The following EFNA5 variants were observed in gnomAD, a reference collection of about 807,000 sequenced individuals.
EFNA5 encodes the protein ephrin A5.
A neutral mutation model predicts 22.9 loss-of-function variants in EFNA5; 5 were observed. That is an observed-to-expected ratio of 0.22 (90% confidence interval 0.11 to 0.46). The LOEUF (loss-of-function observed/expected upper bound fraction) is 0.46. Among genes scored for constraint, EFNA5 ranks in the 20% least tolerant of loss-of-function variants. EFNA5 has a pLI of 0.99. For missense variants in EFNA5, 237 were observed against 293.3 expected (o/e 0.81, Z 1.40); for synonymous variants, 113 against 112.2 (o/e 1.01, Z -0.04).
intron 1 of EFNA5, among the ~76,000 whole-genome samples, chr5:107,508,759 T>A (rs1747301549): frequency 6.6e-6 from 1 of 152,264 alleles, no homozygotes; most frequent in Non-Finnish European, 1.5e-5. Flanking sequence ...AAATTATTCT[T>A]GTTTTTATAA....
chr5:107,385,978 TCTTC>T (rs1747607655), intron 4 of EFNA5, among the ~76,000 whole-genome samples: 1 of 152,000 alleles, frequency 6.6e-6, no homozygotes, highest in Admixed American at 6.6e-5. Flanking sequence ...AAACTCTAAC[TCTTC>T]CTGTCAGTTT....
intron 1 of EFNA5, among the ~76,000 whole-genome samples, chr5:107,554,623 T>A (rs1346056723): frequency 6.6e-6 from 1 of 152,206 alleles, no homozygotes; most frequent in Non-Finnish European, 1.5e-5. Context: ...AACTAATTGA[T>A]AGGCAAAGAG....
At chr5:107,425,844 T>C (rs1416798042) in intron 2 of EFNA5, among the ~76,000 whole-genome samples, 1 of 152,122 alleles carries the variant, frequency 6.6e-6, no homozygotes, top group Non-Finnish European at 1.5e-5. Context: ...CCGTGTAAGT[T>C]GTGAGTGGGT....
At chr5:107,609,836 G>T (rs1013028348) in intron 1 of EFNA5, among the ~76,000 whole-genome samples, 1 of 152,154 alleles carries the variant, frequency 6.6e-6, no homozygotes, top group Non-Finnish European at 1.5e-5. Context: ...TGACTGAATG[G>T]TGCCTCTTGA....
intron 1 of EFNA5, among the ~76,000 whole-genome samples, chr5:107,539,693 A>G (rs1014031423): frequency 1.3e-5 from 2 of 152,018 alleles, no homozygotes; most frequent in African/African-American, 4.8e-5. Flanking sequence ...TCCTGACCTC[A>G]TGATCCACCC....
intron 1 of EFNA5, among the ~76,000 whole-genome samples, chr5:107,590,458 C>T (rs1210887533): frequency 6.6e-6 from 1 of 151,812 alleles, no homozygotes; most frequent in Admixed American, 6.6e-5. Flanking sequence ...GGAATGGTCA[C>T]AGCTCACTCA....
At chr5:107,659,970 T>C (rs1750911641) in intron 1 of EFNA5, among the ~76,000 whole-genome samples, 1 of 151,846 alleles carries the variant, frequency 6.6e-6, no homozygotes, top group Admixed American at 6.6e-5. Flanking sequence ...ATGTCTGACC[T>C]TAGGTGTACA....
chr5:107,507,237 A>T (rs1747271738), intron 1 of EFNA5, among the ~76,000 whole-genome samples: 1 of 152,244 alleles, frequency 6.6e-6, no homozygotes, highest in African/African-American at 2.4e-5. Context: ...GAGAAGTTAA[A>T]TGATCACCTC....
chr5:107,511,596 A>G (rs1211955209), intron 1 of EFNA5, among the ~76,000 whole-genome samples: 1 of 152,202 alleles, frequency 6.6e-6, no homozygotes, highest in East Asian at 1.9e-4. Flanking sequence ...ATGAATATCC[A>G]TTTATAAAGT....
At chr5:107,505,562 A>T (rs556683476) in intron 1 of EFNA5, among the ~76,000 whole-genome samples, 148 of 152,074 alleles carry the variant, frequency 9.7e-4, no homozygotes, top group Middle Eastern at 3.4e-3. Flanking sequence ...ACACACATAC[A>T]CCCCTCCTAT....
At chr5:107,539,414 G>C (rs1280512931) in intron 1 of EFNA5, among the ~76,000 whole-genome samples, 2 of 152,172 alleles carry the variant, frequency 1.3e-5, no homozygotes, top group South Asian at 2.1e-4. Flanking sequence ...GATATGCTTG[G>C]AAGGGAAGTG....
chr5:107,574,843 G>C (rs1021355890), intron 1 of EFNA5, among the ~76,000 whole-genome samples: 1 of 152,160 alleles, frequency 6.6e-6, no homozygotes, highest in Non-Finnish European at 1.5e-5. Flanking sequence ...TGATCTTGAC[G>C]GGGCTTAAGA....
intron 1 of EFNA5, among the ~76,000 whole-genome samples, chr5:107,651,777 C>T (rs1750736444): frequency 6.6e-6 from 1 of 151,884 alleles, no homozygotes; most frequent in Admixed American, 6.6e-5. Flanking sequence ...TAAAATTACT[C>T]TGATTTTTAT....
At chr5:107,563,653 C>G (rs1672056132) in intron 1 of EFNA5, among the ~76,000 whole-genome samples, 1 of 152,072 alleles carries the variant, frequency 6.6e-6, no homozygotes, top group South Asian at 2.1e-4. Flanking sequence ...TAGGCTTAGG[C>G]TGGCCTCCAG....
intron 1 of EFNA5, among the ~76,000 whole-genome samples, chr5:107,427,773 T>C (rs1012380317): frequency 1.3e-5 from 2 of 152,170 alleles, no homozygotes; most frequent in Admixed American, 6.5e-5. Context: ...TTAAATATTA[T>C]ATTAAATATC....
intron 1 of EFNA5, among the ~76,000 whole-genome samples, chr5:107,520,218 G>A (rs1412150801): frequency 1.3e-5 from 2 of 152,092 alleles, no homozygotes; most frequent in East Asian, 1.9e-4. Flanking sequence ...GCTTTCTCTC[G>A]CTGTACTTGC....
In EFNA5 at chr5:107,418,762, C is replaced by T. The variant is rs540239284; in HGVS notation, c.418+8455G>A. Among the ~76,000 whole-genome samples, 11 of 152,298 alleles carry T rather than the reference C, an allele frequency of 7.2e-5. No individual in the cohort carries two copies. In the South Asian group the frequency reaches 2.1e-3, roughly 29 times the overall value. The stretch of plus-strand genomic sequence containing the variant: ...CCATCAAGTCCTGATTATTGAGTAA[C>T]TTTTAAGGCTCCTTTTGCAAACTTT... On this transcript the variant is annotated intron_variant, in intron 2 of 4. Transcript: ENST00000333274.
chr5:107,453,026 G>T (rs1047272592), intron 1 of EFNA5, among the ~76,000 whole-genome samples: 2 of 152,022 alleles, frequency 1.3e-5, no homozygotes. Flanking sequence ...AATAAGCCCT[G>T]CATTGTTTTA....
intron 1 of EFNA5, among the ~76,000 whole-genome samples, chr5:107,441,778 A>C (rs1033633607): frequency 1.3e-5 from 2 of 152,160 alleles, no homozygotes; most frequent in African/African-American, 4.8e-5. Context: ...AGATGTTTCC[A>C]AGTATATGGA....
Sources: allele counts gnomAD v4.1 joint callset (sites outside exome capture counted in the v4.1 genomes callset), GRCh38; gene constraint gnomAD v4.1.1; transcripts MANE v1.5; gene names NCBI Gene and HGNC (gene_info 2026-07-23, HGNC 2026-07-21).